EXOSC10: variants seen among roughly 807,000 people sequenced by gnomAD.
EXOSC10 encodes exosome component 10, also known as exosome complex component 10.
A neutral mutation model predicts 126.6 loss-of-function variants in EXOSC10; 94 were observed. The observed-to-expected ratio is 0.74, with a 90% confidence interval of 0.63 to 0.88. EXOSC10 has a LOEUF of 0.88. Ranked by LOEUF, EXOSC10 falls within the 40% of genes least tolerant of loss-of-function variation. The probability of loss-of-function intolerance (pLI) is 0.00; values close to 1 mark genes in which losing one functional copy is unlikely to be tolerated. For missense variants in EXOSC10, 1,041 were observed against 1,100.5 expected (o/e 0.95, Z 0.77); for synonymous variants, 395 against 400.8 (o/e 0.99, Z 0.17).
chr1:11,069,445 C>G, intron 22 of EXOSC10, 114 bp downstream of exon 22: 3 of 1,235,562 alleles, frequency 2.4e-6, no homozygotes. Flanking sequence ...CAATTCCTGG[C>G]TAGCACCATG....
At position 11,081,211 on chromosome 1, in the gene EXOSC10, G is replaced by A. The variant is rs765699100; in HGVS notation, c.1308C>T (p.Tyr436=). 15 of 1,614,176 alleles carry A rather than the reference G, an allele frequency of 9.3e-6. No homozygotes were observed. In the Admixed American group the frequency reaches 1.2e-4, roughly 13 times the overall value. Residue 436 remains tyrosine, a synonymous_variant, in exon 11 of 25, where the codon TAC becomes TAT. Transcript: ENST00000376936. ...GCAGGTAATGGGTGTCATCCCGGGC[G>A]TAGCTGAGCATCTCCTCGGGCAGAG... ...IRPLPEEMLS[Y]ARDDTHYLLY...
intron 2 of EXOSC10, among the ~76,000 whole-genome samples, chr1:11,096,923 C>CA (rs1641131083): frequency 6.6e-6 from 1 of 151,788 alleles, no homozygotes; most frequent in Admixed American, 6.6e-5. Flanking sequence ...ACTAAAAATA[C>CA]AAAAAACTGG....
chr1:11,080,563 AACACACACACAC>A lies in EXOSC10; in HGVS notation c.1587-26_1587-15del, dbSNP rs70977543. On this transcript the variant is annotated splice_polypyrimidine_tract_variant and intron_variant, in intron 12 of 24. Transcript: ENST00000376936. ...GGCAGTACATATCTGGAAAAAAAAA[AACACACACACAC>A]ACACACACACACACACACACACACA... 47 of 1,423,590 alleles carry A rather than the reference AACACACACACAC, an allele frequency of 3.3e-5. No homozygotes were observed. The highest frequency in any genetic ancestry group is 2.0e-4 in the African/African-American group (12 of 60,112). 88.2% of individuals were successfully genotyped at this position (1,423,590 alleles called of 1,614,324 possible). A position where few individuals can be genotyped will look rare whatever the true frequency, so the allele number is the denominator to read the frequency against.
intron 17 of EXOSC10, among the ~76,000 whole-genome samples, 185 bp from the exon 18 acceptor site, chr1:11,074,511 C>T (rs1235202994): frequency 1.3e-5 from 2 of 151,706 alleles, no homozygotes; most frequent in Admixed American, 1.3e-4. Context: ...CTCCTGTGTT[C>T]AAGCGATTCT....
chr1:11,087,358 G>T, intron 9 of EXOSC10, 90 bp downstream of exon 9: 1 of 1,471,512 alleles, frequency 6.8e-7, no homozygotes, highest in Non-Finnish European at 9.4e-7. Flanking sequence ...CAACTTGACT[G>T]GTCTAGGTTG....
intron 5 of EXOSC10, 123 bp from the exon 6 acceptor site, chr1:11,090,791 C>T (rs1640762742): frequency 1.2e-6 from 1 of 838,544 alleles, no homozygotes; most frequent in Non-Finnish European, 1.9e-6. Flanking sequence ...ATGTTCTGTC[C>T]CCCAGGCTGA....
intron 2 of EXOSC10, among the ~76,000 whole-genome samples, chr1:11,096,989 G>C (rs181121071): frequency 1.2e-3 from 175 of 151,968 alleles, no homozygotes; most frequent in Middle Eastern, 3.4e-3. Context: ...TGAGGTGGGT[G>C]GATCACAAGG....
intron 4 of EXOSC10, 63 bp from the exon 5 acceptor site, chr1:11,091,242 C>G (rs903230320): frequency 1.0e-5 from 15 of 1,481,246 alleles, no homozygotes; most frequent in Non-Finnish European, 1.3e-5. Flanking sequence ...AAAGTAAATT[C>G]CAATTTATGA....
intron 3 of EXOSC10, among the ~76,000 whole-genome samples, chr1:11,093,758 G>C (rs1335432546): frequency 6.6e-6 from 1 of 152,078 alleles, no homozygotes; most frequent in Non-Finnish European, 1.5e-5. Context: ...CTCTTCTTTT[G>C]CAACACAAAT....
chr1:11,077,117 A>G, intron 16 of EXOSC10, 169 bp from the exon 17 acceptor site: 2 of 628,964 alleles, frequency 3.2e-6, no homozygotes, highest in Non-Finnish European at 5.5e-6. Flanking sequence ...TCTGCCTCCT[A>G]AGTAGCTAAG....
chr1:11,082,536 C>T (rs576843856), intron 10 of EXOSC10, 152 bp downstream of exon 10: 2 of 1,476,208 alleles, frequency 1.4e-6, no homozygotes, highest in East Asian at 2.4e-5. Context: ...TTTCCTACCA[C>T]TTTTACGCTG....
intron 18 of EXOSC10, 89 bp from the exon 19 acceptor site, chr1:11,074,097 G>A: frequency 7.0e-7 from 1 of 1,421,754 alleles, no homozygotes; most frequent in Non-Finnish European, 9.9e-7. Context: ...GGTTGCTGGT[G>A]CCTTGTCAGC....
Position 11,067,227 on chromosome 1 carries a change from C to T in EXOSC10, c.2628-479G>A, listed in dbSNP as rs536239432. 2.6e-5 allele frequency among the ~76,000 whole-genome samples: 4 copies of T among 152,238 alleles called. No homozygotes were observed. In the East Asian group the frequency reaches 7.7e-4, roughly 29 times the overall value. ...CGGGCGGATCACAAGGTCAGGAGAT[C>T]GAGACCATCCTGGCTAACATGGTGA... On this transcript the variant is annotated intron_variant, in intron 24 of 24. Transcript: ENST00000376936.
intron 17 of EXOSC10, among the ~76,000 whole-genome samples, chr1:11,075,194 G>A (rs548191929): frequency 2.8e-4 from 42 of 151,670 alleles, no homozygotes; most frequent in Non-Finnish European, 4.4e-4. Context: ...CACAATGCCC[G>A]GCTAATTAAA....
rs1640223311 is a variant in EXOSC10, at chr1:11,082,463, A to G, written c.1280+225T>C. 25 of 1,140,268 alleles carry G rather than the reference A, an allele frequency of 2.2e-5. No homozygotes were observed. The South Asian group carries it at 2.2e-4, about 10-fold the overall frequency. The allele number at this position is 1,140,268 out of a possible 1,614,324, so 70.6% of individuals were successfully genotyped here. On this transcript the variant is annotated intron_variant, in intron 10 of 24. Coordinates refer to ENST00000376936, the MANE Select transcript of EXOSC10 (RefSeq NM_001001998.3). ...GTGCGGCACCTCTTTTTCAACCACT[A>G]TTTCCATGGAACACAGTGTAACTGC... is the stretch of plus-strand genomic sequence containing the variant.
Position 11,072,137 on chromosome 1 carries a change from A to G in EXOSC10, c.2192T>C (p.Val731Ala). The change falls in exon 20 of 25, where the codon GTA (valine) becomes GCA (alanine). Residue 731 changes from valine (V) to alanine (A), a missense_variant. Val to Ala is a moderately conservative substitution (Grantham distance 64). This residue lies in a region of EXOSC10 where 388 missense variants were observed against 415.2 expected (regional missense o/e 0.93). Transcript: ENST00000376936. ...GACAGCTTCTTTAGAGTCTTTTTGTACTTGTACCTGGGCCAGCTTCCAGCG... is the reference window on the plus strand; with the variant it reads ...GACAGCTTCTTTAGAGTCTTTTTGTGCTTGTACCTGGGCCAGCTTCCAGCG... ...SNRWKLAQVQ[V>A]QKDSKEAVKK... 6.2e-7 allele frequency: 1 copy of G among 1,613,824 alleles called. No individual in the cohort carries two copies. The highest frequency in any genetic ancestry group is 8.5e-7 in the Non-Finnish European group (1 of 1,179,890).
intron 9 of EXOSC10, 94 bp downstream of exon 9, chr1:11,087,354 G>T: frequency 6.9e-7 from 1 of 1,445,028 alleles, no homozygotes; most frequent in Non-Finnish European, 9.6e-7. Flanking sequence ...CTCCCAACTT[G>T]ACTGGTCTAG....
chr1:11,097,694 C>G (rs928412529), intron 2 of EXOSC10, among the ~76,000 whole-genome samples: 1 of 152,074 alleles, frequency 6.6e-6, no homozygotes, highest in Non-Finnish European at 1.5e-5. Flanking sequence ...CCACCGCACT[C>G]CAGCCTGGGC....
At chr1:11,072,363 A>G (rs1223792916) in intron 19 of EXOSC10, 192 bp from the exon 20 acceptor site, 1 of 535,800 alleles carries the variant, frequency 1.9e-6, no homozygotes, top group Non-Finnish European at 3.3e-6. Flanking sequence ...TATTAAGGAC[A>G]AAGTGCTACT....
Sources: allele counts gnomAD v4.1 joint callset (sites outside exome capture counted in the v4.1 genomes callset), GRCh38; gene constraint gnomAD v4.1.1; regional missense constraint gnomAD v4.1.1; transcripts MANE v1.5; gene names NCBI Gene and HGNC (gene_info 2026-07-23, HGNC 2026-07-21).